The following DTNB variants were observed in gnomAD, a reference collection of about 807,000 sequenced individuals.
DTNB encodes the protein dystrobrevin beta.
DTNB carries 63 observed loss-of-function variants against 90.7 expected under a neutral mutation model. The observed-to-expected ratio is 0.69, with a 90% CI of 0.57 to 0.86. The LOEUF (loss-of-function observed/expected upper bound fraction) is 0.86. Among genes scored for constraint, DTNB ranks in the 40% least tolerant of loss-of-function variants. The pLI is 0.00. For missense variants in DTNB, 744 were observed against 807.1 expected (o/e 0.92, Z 0.95); for synonymous variants, 277 against 286.7 (o/e 0.97, Z 0.34).
intron 8 of DTNB, among the ~76,000 whole-genome samples, chr2:25,564,459 C>A (rs1304498292): frequency 6.6e-6 from 1 of 152,124 alleles, no homozygotes; most frequent in African/African-American, 2.4e-5. Context: ...TGGCTAACTG[C>A]AACCTCCACC....
At chr2:25,482,426 C>T (rs1049242512) in intron 10 of DTNB, among the ~76,000 whole-genome samples, 2 of 152,046 alleles carry the variant, frequency 1.3e-5, no homozygotes, top group African/African-American at 4.8e-5. Flanking sequence ...CAAAAATGAT[C>T]TTTGACAAAG....
chr2:25,535,610 T>G (rs1235326151), intron 8 of DTNB, among the ~76,000 whole-genome samples: 9 of 91,340 alleles, frequency 9.9e-5, no homozygotes, highest in Non-Finnish European at 1.3e-4. Flanking sequence ...CTAGACGGGG[T>G]GGCAGCTGGG....
chr2:25,548,055 TA>T (rs2082812198), intron 8 of DTNB, among the ~76,000 whole-genome samples: 1 of 152,210 alleles, frequency 6.6e-6, no homozygotes, highest in Non-Finnish European at 1.5e-5. Flanking sequence ...AATTAGTCAA[TA>T]AATTAGACCT....
At chr2:25,438,601 T>C (rs1459827314) in intron 12 of DTNB, among the ~76,000 whole-genome samples, 1 of 152,220 alleles carries the variant, frequency 6.6e-6, no homozygotes, top group Non-Finnish European at 1.5e-5. Flanking sequence ...ATTTAATACA[T>C]GGGGAAGAAC....
intron 5 of DTNB, among the ~76,000 whole-genome samples, chr2:25,600,869 T>G (rs906765199): frequency 6.6e-6 from 1 of 152,192 alleles, no homozygotes; most frequent in Non-Finnish European, 1.5e-5. Context: ...ATGAATAGAT[T>G]CAAAGTAATA....
intron 17 of DTNB, among the ~76,000 whole-genome samples, 158 bp downstream of exon 17, chr2:25,388,044 G>A (rs2040005754): frequency 6.6e-6 from 1 of 152,250 alleles, no homozygotes; most frequent in South Asian, 2.1e-4. Context: ...CCCGTCTCAT[G>A]AGAAGGGGCC....
At chr2:25,502,880 TAA>T (rs776792939) in intron 9 of DTNB, among the ~76,000 whole-genome samples, 3,637 of 79,490 alleles carry the variant, frequency 0.046, 217 homozygotes, top group African/African-American at 0.17. Context: ...AGCAACTGTC[TAA>T]AAAAAAAAAA....
intron 12 of DTNB, among the ~76,000 whole-genome samples, chr2:25,445,911 C>A (rs1025716581): frequency 7.1e-6 from 1 of 141,014 alleles, no homozygotes; most frequent in South Asian, 2.3e-4. Context: ...CACCATGTGA[C>A]CCTGGGTAGT....
In DTNB at chr2:25,452,915, T is replaced by C. The variant is rs538523453; in HGVS notation, c.1170-1280A>G. ...GATGATCACCCTCTCAAAAATGATCTTGTAATAAGAACAGACTACTATTAG... is the reference window on the plus strand; with the variant it reads ...GATGATCACCCTCTCAAAAATGATCCTGTAATAAGAACAGACTACTATTAG... On this transcript the variant is annotated intron_variant, in intron 11 of 20. Transcript: ENST00000406818. Among the ~76,000 whole-genome samples the C allele has an allele frequency of 3.9e-5, 6 of 152,230 alleles. No individual in the cohort carries two copies. In the East Asian group the frequency reaches 9.6e-4, roughly 24 times the overall value.
At chr2:25,434,051 A>C in intron 12 of DTNB, 56 bp from the exon 13 acceptor site, 2 of 1,479,680 alleles carry the variant, frequency 1.4e-6, no homozygotes, top group South Asian at 2.4e-5. Context: ...ATATACCCAG[A>C]GTTCTAGATT....
At chr2:25,435,939 G>A (rs2384234) in intron 12 of DTNB, among the ~76,000 whole-genome samples, 27,676 of 152,140 alleles carry the variant, frequency 0.18, 2,970 homozygotes, top group Non-Finnish European at 0.24. Context: ...TATGTTGAGC[G>A]TACTTTCATG....
Position 25,474,516 on chromosome 2 carries a change from G to C in DTNB, c.1079+8280C>G, listed in dbSNP as rs2063398609. Among the ~76,000 whole-genome samples, 10 of 151,918 alleles carry C rather than the reference G, an allele frequency of 6.6e-5. No individual in the cohort carries two copies. In the South Asian group the frequency reaches 2.1e-3, roughly 32 times the overall value. On this transcript the variant is annotated intron_variant, in intron 10 of 20. Coordinates refer to ENST00000406818, the MANE Select transcript of DTNB (RefSeq NM_021907.5). ...CACTTTTGTTTTATTCCTTTTCTTA[G>C]TTTCCCCCAACATCTCTATTGTCCT...
chr2:25,574,252 T>C (rs1391306784), intron 8 of DTNB, among the ~76,000 whole-genome samples: 1 of 152,240 alleles, frequency 6.6e-6, no homozygotes, highest in Non-Finnish European at 1.5e-5. Context: ...GGTTTGTTCA[T>C]AGATGTATCC....
chr2:25,430,039 A>AC (rs1345120865), intron 14 of DTNB, among the ~76,000 whole-genome samples: 33 of 151,980 alleles, frequency 2.2e-4, no homozygotes, highest in Admixed American at 2.1e-3. Flanking sequence ...AACTTCTACC[A>AC]CCTCCATGGT....
chr2:25,580,665 A>G (rs891070545), intron 7 of DTNB, 56 bp downstream of exon 7: 2 of 1,442,420 alleles, frequency 1.4e-6, no homozygotes, highest in Admixed American at 1.7e-5. Context: ...ATTGCAAATA[A>G]TCAGTTCCTA....
chr2:25,419,048 T>A (rs977197313), intron 16 of DTNB: 1 of 159,454 alleles, frequency 6.3e-6, no homozygotes, highest in African/African-American at 2.4e-5. Flanking sequence ...GTAATTTTGT[T>A]AAGGAGGCTG....
intron 9 of DTNB, among the ~76,000 whole-genome samples, chr2:25,521,821 G>T (rs1462379956): frequency 6.6e-6 from 1 of 152,246 alleles, no homozygotes; most frequent in Non-Finnish European, 1.5e-5. Context: ...GCCTTAGCCT[G>T]CAGGCTATAG....
At chr2:25,419,443 A>G (rs2149795367) in intron 16 of DTNB, 72 bp downstream of exon 16, 1 of 1,550,602 alleles carries the variant, frequency 6.4e-7, no homozygotes, top group East Asian at 2.4e-5. Context: ...GAAGAGGAGA[A>G]ACATTTATAT....
chr2:25,496,842 CAAA>C (rs34608606), intron 9 of DTNB, among the ~76,000 whole-genome samples: 3 of 106,180 alleles, frequency 2.8e-5, no homozygotes, highest in Admixed American at 1.0e-4. Flanking sequence ...GACTCTGTTT[CAAA>C]AAAAAAAAAA....
Sources: gnomAD v4.1 joint callset for allele counts (sites outside exome capture counted in the v4.1 genomes callset) on GRCh38, gnomAD v4.1.1 for gene constraint, MANE v1.5 for transcripts, NCBI Gene and HGNC (gene_info 2026-07-23, HGNC 2026-07-21) for gene names.